Variants in LEF1 observed in about 807,000 individuals in gnomAD.
The protein encoded by LEF1 is lymphoid enhancer binding factor 1, also known as lymphoid enhancer-binding factor 1.
A neutral mutation model predicts 51.2 loss-of-function variants in LEF1; 14 were observed. The observed-to-expected ratio is 0.27, with a 90% CI of 0.18 to 0.43. The LOEUF (loss-of-function observed/expected upper bound fraction) is 0.43. LEF1 is among the 20% of genes least tolerant of loss of function. LEF1 has a pLI of 1.00. For missense variants in LEF1, 386 were observed against 512.0 expected (o/e 0.75, Z 2.37); for synonymous variants, 185 against 183.2 (o/e 1.01, Z -0.08).
rs59867246 is a variant in LEF1 at position 108,157,179 on chromosome 4, T to TAC, written c.414+6387_414+6388dup. 4.6e-3 allele frequency among the ~76,000 whole-genome samples: 536 copies of TAC among 116,770 alleles called. 4 individuals carry two copies. The highest frequency in any genetic ancestry group is 6.0e-3 in the East Asian group (22 of 3,680). The allele number at this position is 116,770 out of a possible 152,430, so 76.6% of individuals were successfully genotyped here. A position where few individuals can be genotyped will look rare whatever the true frequency, so the allele number is the denominator to read the frequency against. On this transcript the variant is annotated intron_variant, in intron 3 of 11. Transcript: ENST00000265165. ...CTCTCTCTCTCTCTCTATATATATA[T>TAC]ACACACACACACACACACACACACA...
intron 3 of LEF1, among the ~76,000 whole-genome samples, chr4:108,149,343 C>G (rs1032748840): frequency 6.8e-6 from 1 of 147,376 alleles, no homozygotes; most frequent in Non-Finnish European, 1.5e-5. Context: ...CCTGTGGTCC[C>G]GGCTACTCGG....
intron 3 of LEF1, among the ~76,000 whole-genome samples, chr4:108,096,689 A>G (rs1740416377): frequency 6.6e-6 from 1 of 152,336 alleles, no homozygotes; most frequent in East Asian, 1.9e-4. Context: ...CAAACTACCC[A>G]TCTGACAAGG....
In LEF1 at chr4:108,064,634, GTCTCTC is replaced by G. The variant is rs141681529; in HGVS notation, c.1117-256_1117-251del. Among the ~76,000 whole-genome samples, 6 of 144,312 alleles carry G rather than the reference GTCTCTC, an allele frequency of 4.2e-5. No individual in the cohort carries two copies. The South Asian group carries it at 8.7e-4, about 21-fold the overall frequency. 94.7% of individuals were successfully genotyped at this position (144,312 alleles called of 152,430 possible). A position where few individuals can be genotyped will look rare whatever the true frequency, so the allele number is the denominator to read the frequency against. On this transcript the variant is annotated intron_variant, in intron 9 of 11. Transcript: ENST00000265165. ...TATTGACACCGTGGGTAGACACTTT[GTCTCTC>G]TCTCTCTCTCTCACTCACACACACA...
intron 3 of LEF1, among the ~76,000 whole-genome samples, chr4:108,131,384 T>A: frequency 1.6e-5 from 2 of 121,816 alleles, no homozygotes. Flanking sequence ...CAAGACCCTA[T>A]CTCTAAAAAA....
At chr4:108,164,309 T>C (rs1745252483) in intron 2 of LEF1, among the ~76,000 whole-genome samples, 1 of 152,224 alleles carries the variant, frequency 6.6e-6, no homozygotes, top group African/African-American at 2.4e-5. Context: ...TGTGTATTTC[T>C]TCTTGTTAAT....
At chr4:108,084,973 T>C (rs1260476357) in intron 4 of LEF1, among the ~76,000 whole-genome samples, 2 of 152,128 alleles carry the variant, frequency 1.3e-5, no homozygotes, top group Non-Finnish European at 2.9e-5. Flanking sequence ...ATAAAAGCAA[T>C]ACAATTTGAC....
Position 108,070,712 on chromosome 4 carries a change from C to T in LEF1, c.1067G>A (p.Arg356Lys). ...TGGATAAAGCTGCATATGTAGCTGT[C>T]TTTCTTTCCGTGCTAATTCATAATA... ...AKYYELARKE[R>K]QLHMQLYPGW... The change falls in exon 9 of 12, where the codon AGA becomes AAA. Residue 356 changes from arginine (R) to lysine (K), a missense_variant. Transcript: ENST00000265165. 6.2e-7 allele frequency: 1 copy of T among 1,614,056 alleles called. No individual in the cohort carries two copies. The highest frequency in any genetic ancestry group is 1.1e-5 in the South Asian group (1 of 91,068).
At chr4:108,078,465 G>A in intron 7 of LEF1, 83 bp from the exon 8 acceptor site, 1 of 1,548,994 alleles carries the variant, frequency 6.5e-7, no homozygotes, top group East Asian at 2.2e-5. Flanking sequence ...CAGAGCACCT[G>A]CTCACATGGC....
chr4:108,156,400 A>C (rs938316311), intron 3 of LEF1, among the ~76,000 whole-genome samples: 10 of 152,350 alleles, frequency 6.6e-5, no homozygotes, highest in African/African-American at 2.4e-4. Flanking sequence ...ATAAGAGAAA[A>C]AGTAAAATAA....
chr4:108,131,478 A>C (rs1365996718), intron 3 of LEF1, among the ~76,000 whole-genome samples: 7 of 152,100 alleles, frequency 4.6e-5, no homozygotes, highest in Admixed American at 4.6e-4. Context: ...CACCACAAAA[A>C]CACACTTCCA....
At chr4:108,117,289 C>T (rs553410967) in intron 3 of LEF1, among the ~76,000 whole-genome samples, 3 of 152,082 alleles carry the variant, frequency 2.0e-5, no homozygotes, top group South Asian at 4.2e-4. Context: ...CTAATTTACT[C>T]GACATGTTGT....
chr4:108,150,130 A>G (rs535377688), intron 3 of LEF1, among the ~76,000 whole-genome samples: 2 of 152,314 alleles, frequency 1.3e-5, no homozygotes, highest in South Asian at 4.1e-4. Context: ...AACCAACATC[A>G]TGATACCACA....
At chr4:108,144,777 C>T (rs1444225489) in intron 3 of LEF1, among the ~76,000 whole-genome samples, 1 of 148,200 alleles carries the variant, frequency 6.7e-6, no homozygotes, top group African/African-American at 2.5e-5. Context: ...GAAACACAGC[C>T]TCAGCCCACA....
rs376485339 is a variant in LEF1, at chr4:108,079,486, A to G, written c.845+6T>C. Reference sequence around the variant, plus strand: ...CAATCACAGCAGAGCCCGGGTGGATACTTACACGTGCATTAGGTCACTGTC... The same window carrying G: ...CAATCACAGCAGAGCCCGGGTGGATGCTTACACGTGCATTAGGTCACTGTC... On this transcript the variant is annotated splice_donor_region_variant and intron_variant, in intron 7 of 11. Coordinates refer to ENST00000265165, the MANE Select transcript of LEF1 (RefSeq NM_016269.5). 1.2e-6 allele frequency: 2 copies of G among 1,614,064 alleles called. No homozygotes were observed. Among genetic ancestry groups the G allele is most frequent in the Non-Finnish European group, 1.7e-6 (2 of 1,179,964 alleles).
chr4:108,072,009 GCACA>G (rs1224359162), intron 8 of LEF1: 1 of 152,182 alleles, frequency 6.6e-6, no homozygotes, highest in Non-Finnish European at 1.5e-5. Context: ...TCACCTGTGT[GCACA>G]CACAATCTGT....
At chr4:108,130,278 C>G (rs948768621) in intron 3 of LEF1, among the ~76,000 whole-genome samples, 3 of 152,086 alleles carry the variant, frequency 2.0e-5, no homozygotes, top group Admixed American at 1.3e-4. Flanking sequence ...TTAAATGAGA[C>G]CATTAAGAGT....
intron 11 of LEF1, among the ~76,000 whole-genome samples, chr4:108,063,072 A>G (rs1737806182): frequency 6.6e-6 from 1 of 152,234 alleles, no homozygotes; most frequent in South Asian, 2.1e-4. Context: ...ACTTGATAGA[A>G]GAAACACAGT....
chr4:108,067,426 A>G (rs1048320852), intron 9 of LEF1, among the ~76,000 whole-genome samples: 2 of 152,254 alleles, frequency 1.3e-5, no homozygotes, highest in Non-Finnish European at 2.9e-5. Context: ...AATGCTGAAT[A>G]AAATTCACAG....
intron 3 of LEF1, among the ~76,000 whole-genome samples, chr4:108,136,926 G>A (rs1358454087): frequency 6.6e-6 from 1 of 152,092 alleles, no homozygotes; most frequent in East Asian, 1.9e-4. Context: ...AAAATTCTGA[G>A]AGGTTGTCTG....
Sources: gnomAD v4.1 joint callset for allele counts (sites outside exome capture counted in the v4.1 genomes callset) on GRCh38, gnomAD v4.1.1 for gene constraint, MANE v1.5 for transcripts, NCBI Gene and HGNC (gene_info 2026-07-23, HGNC 2026-07-21) for gene names.